Variants in SNX29 observed in about 807,000 individuals in gnomAD.
SNX29 encodes the protein sorting nexin 29.
A neutral mutation model predicts 102.1 loss-of-function variants in SNX29; 78 were observed. The observed-to-expected ratio is 0.76, with a 90% CI of 0.64 to 0.92. The LOEUF (loss-of-function observed/expected upper bound fraction) is 0.92, where lower values mean the gene tolerates loss of function less well. SNX29 is among the 40% of genes least tolerant of loss of function. SNX29 has a pLI of 0.00. For synonymous variants in SNX29, 580 were observed against 414.5 expected, an observed-to-expected ratio of 1.40 and a Z score of -4.85; for missense variants, 1,280 against 1,061.7, an observed-to-expected ratio of 1.21 and a Z score of -2.86.
chr16:12,543,580 G>C (rs987598467), intron 20 of SNX29, among the ~76,000 whole-genome samples: 6 of 152,170 alleles, frequency 3.9e-5, no homozygotes, highest in Non-Finnish European at 8.8e-5. Context: ...CGCTTCCGTG[G>C]TGCGTCCCAG....
At chr16:12,385,754 C>T (rs137893806) in intron 16 of SNX29, among the ~76,000 whole-genome samples, 5 of 152,358 alleles carry the variant, frequency 3.3e-5, no homozygotes, top group Non-Finnish European at 7.3e-5. Context: ...AAAGACCTGA[C>T]GAGATGCCAC....
intron 14 of SNX29, among the ~76,000 whole-genome samples, chr16:12,220,760 T>A (rs1411657221): frequency 6.6e-6 from 1 of 152,218 alleles, no homozygotes; most frequent in African/African-American, 2.4e-5. Flanking sequence ...CTTTTAAGCT[T>A]CTTATAATAG....
intron 18 of SNX29, among the ~76,000 whole-genome samples, chr16:12,433,755 C>T (rs1419757614): frequency 6.6e-6 from 1 of 151,316 alleles, no homozygotes; most frequent in Non-Finnish European, 1.5e-5. Flanking sequence ...ACCTGGGGGG[C>T]GGAGGTTGCA....
At chr16:12,568,303 T>TAAAAAAAAA (rs10633753) in intron 20 of SNX29, among the ~76,000 whole-genome samples, 16,077 of 80,024 alleles carry the variant, frequency 0.2, 1,235 homozygotes, top group Non-Finnish European at 0.32. Context: ...CGGAGTGCTG[T>TAAAAAAAAA]TAAAAAAAAA....
In SNX29 at chr16:12,340,666, G is replaced by T. The variant is rs529725140; in HGVS notation, c.1783-15497G>T. 2.0e-5 allele frequency among the ~76,000 whole-genome samples: 3 copies of T among 152,312 alleles called. No homozygotes were observed. In the South Asian group the frequency reaches 6.2e-4, roughly 32 times the overall value. On this transcript the variant is annotated intron_variant, in intron 15 of 20. Coordinates refer to ENST00000566228, the MANE Select transcript of SNX29 (RefSeq NM_032167.5). ...CAGGTAGACAAGAGGCTAGAACTGCGAGAACAGTCGGGAGGGACCAGAAGG... is the reference window on the plus strand; with the variant it reads ...CAGGTAGACAAGAGGCTAGAACTGCTAGAACAGTCGGGAGGGACCAGAAGG...
chr16:12,051,999 G>C lies in SNX29; in HGVS notation c.901G>C (p.Val301Leu), dbSNP rs1385984889. The C allele has an allele frequency of 6.2e-7, 1 of 1,613,972 alleles. No individual in the cohort carries two copies. Among genetic ancestry groups the C allele is most frequent in the East Asian group, 2.2e-5 (1 of 44,876 alleles). The change falls in exon 8 of 21, where the codon GTC (valine) becomes CTC (leucine). Residue 301 changes from valine to leucine, a missense_variant. Transcript: ENST00000566228. The stretch of plus-strand genomic sequence containing the variant: ...AGAGGACAACTCCGACCGCTCCTCT[G>C]TCAATATCATGTCCGCCTTTGAAAG... ...SSEDNSDRSS[V>L]NIMSAFESPF... is the part of the protein sequence containing the mutation.
At chr16:12,170,192 C>G (rs898333453) in intron 13 of SNX29, among the ~76,000 whole-genome samples, 2 of 152,022 alleles carry the variant, frequency 1.3e-5, no homozygotes, top group African/African-American at 4.8e-5. Context: ...AGTTGAGAAG[C>G]CTGGCTCTAG....
At chr16:12,522,461 G>A (rs1416773359) in intron 19 of SNX29, among the ~76,000 whole-genome samples, 1 of 152,114 alleles carries the variant, frequency 6.6e-6, no homozygotes, top group Non-Finnish European at 1.5e-5. Flanking sequence ...CAGTGATGTG[G>A]TTTGGATCTG....
intron 1 of SNX29, among the ~76,000 whole-genome samples, chr16:11,995,843 C>T (rs1036515517): frequency 4.6e-5 from 7 of 151,730 alleles, no homozygotes; most frequent in Non-Finnish European, 8.8e-5. Context: ...GGGTGGATCA[C>T]GAGGTCAGGA....
intron 14 of SNX29, among the ~76,000 whole-genome samples, chr16:12,272,967 C>T (rs191779573): frequency 6.6e-6 from 1 of 152,308 alleles, no homozygotes; most frequent in Non-Finnish European, 1.5e-5. Context: ...ACAGTCATAT[C>T]ATCATTTTGG....
chr16:12,044,072 C>T (rs1353918613), intron 5 of SNX29, among the ~76,000 whole-genome samples: 1 of 152,166 alleles, frequency 6.6e-6, no homozygotes, highest in Non-Finnish European at 1.5e-5. Flanking sequence ...TAGTTTTGCT[C>T]TGAGAATGGT....
At chr16:12,238,881 G>A (rs993626932) in intron 14 of SNX29, among the ~76,000 whole-genome samples, 1 of 152,204 alleles carries the variant, frequency 6.6e-6, no homozygotes, top group African/African-American at 2.4e-5. Flanking sequence ...ATCCTTAGCT[G>A]TGGCTCTTAT....
chr16:12,546,959 C>T (rs1315965244), intron 20 of SNX29, among the ~76,000 whole-genome samples: 1 of 152,192 alleles, frequency 6.6e-6, no homozygotes, highest in Non-Finnish European at 1.5e-5. Flanking sequence ...CCCACCCCTC[C>T]ATCCACCCAT....
chr16:12,564,489 G>C (rs752442345), intron 20 of SNX29, among the ~76,000 whole-genome samples: 3 of 152,190 alleles, frequency 2.0e-5, no homozygotes, highest in Admixed American at 2.0e-4. Flanking sequence ...CCAAGGTCTA[G>C]AGTGTCTTAA....
intron 15 of SNX29, among the ~76,000 whole-genome samples, chr16:12,279,447 G>A (rs963943396): frequency 6.6e-6 from 1 of 152,256 alleles, no homozygotes; most frequent in Admixed American, 6.5e-5. Context: ...GTGGGGATGA[G>A]TCAAAAGCCA....
intron 16 of SNX29, among the ~76,000 whole-genome samples, chr16:12,396,663 C>A (rs756356005): frequency 4.8e-4 from 73 of 152,292 alleles, no homozygotes; most frequent in Non-Finnish European, 7.9e-4. Flanking sequence ...GGCCTTAGAA[C>A]CCTTTCTTTG....
intron 18 of SNX29, among the ~76,000 whole-genome samples, chr16:12,449,530 A>G (rs1020153776): frequency 2.6e-5 from 4 of 151,996 alleles, no homozygotes; most frequent in Non-Finnish European, 5.9e-5. Context: ...GGAATTTGTT[A>G]CTCTCTGTAA....
rs189035746 is a variant in SNX29, at chr16:12,573,254, A to C, written c.*4625A>C. ...ATGGTTGTTGAAATGTACCTCGATC[A>C]GTCATCTCTGGTATTCCTCACTCTA... On this transcript the variant is annotated 3_prime_UTR_variant, in exon 21 of 21. Transcript: ENST00000566228. The C allele has an allele frequency of 4.4e-6, 1 of 227,212 alleles. No individual in the cohort carries two copies. The allele number at this position is 227,212 out of a possible 1,614,324, so 14.1% of individuals were successfully genotyped here.
chr16:12,332,330 C>T (rs1254225267), intron 15 of SNX29, among the ~76,000 whole-genome samples: 2 of 152,108 alleles, frequency 1.3e-5, no homozygotes, highest in African/African-American at 4.8e-5. Context: ...TCTGGCTTTC[C>T]CCTGCATGAA....
Sources: allele counts gnomAD v4.1 joint callset (sites outside exome capture counted in the v4.1 genomes callset), GRCh38; gene constraint gnomAD v4.1.1; transcripts MANE v1.5; gene names NCBI Gene and HGNC (gene_info 2026-07-23, HGNC 2026-07-21).